Variants in PTPN4 observed in about 807,000 individuals in gnomAD.
The protein encoded by PTPN4 is protein tyrosine phosphatase non-receptor type 4.
Under a neutral mutation model 135.5 loss-of-function variants are expected in PTPN4, and 49 were observed. The observed-to-expected ratio is 0.36, with a 90% CI of 0.29 to 0.46. The LOEUF is 0.46. PTPN4 is among the 20% of genes least tolerant of loss of function. PTPN4 has a pLI of 1.00. For missense variants in PTPN4, 860 were observed against 1,101.0 expected, an observed-to-expected ratio of 0.78 and a Z score of 3.10; for synonymous variants, 333 against 369.9, an observed-to-expected ratio of 0.90 and a Z score of 1.14.
At chr2:119,965,251 G>A (rs1394610945) in intron 24 of PTPN4, among the ~76,000 whole-genome samples, 1 of 152,132 alleles carries the variant, frequency 6.6e-6, no homozygotes, top group African/African-American at 2.4e-5. Context: ...GTTGTTATCT[G>A]TAGAGCAGTT....
At chr2:119,902,902 C>G (rs1678427526) in intron 10 of PTPN4, among the ~76,000 whole-genome samples, 1 of 152,170 alleles carries the variant, frequency 6.6e-6, no homozygotes, top group Admixed American at 6.5e-5. Flanking sequence ...CCTCTACACA[C>G]CCCCTAAGAC....
At chr2:119,822,194 CATGCCTT>C (rs1558736158) in intron 2 of PTPN4, among the ~76,000 whole-genome samples, 1 of 152,136 alleles carries the variant, frequency 6.6e-6, no homozygotes, top group Non-Finnish European at 1.5e-5. Context: ...TTTTTAGCCT[CATGCCTT>C]ATCTTGCTGT....
chr2:119,763,696 T>G (rs1690549708), intron 1 of PTPN4, among the ~76,000 whole-genome samples: 1 of 152,222 alleles, frequency 6.6e-6, no homozygotes, highest in Non-Finnish European at 1.5e-5. Context: ...TAGAAATATT[T>G]TTTGCACTGT....
At chr2:119,892,421 C>G (rs1219152028) in intron 9 of PTPN4, among the ~76,000 whole-genome samples, 1 of 152,032 alleles carries the variant, frequency 6.6e-6, no homozygotes, top group East Asian at 1.9e-4. Context: ...TTAAGCAGGT[C>G]ATACATCAGA....
chr2:119,954,409 G>C (rs1461004653), intron 19 of PTPN4, among the ~76,000 whole-genome samples: 3 of 152,096 alleles, frequency 2.0e-5, no homozygotes, highest in Admixed American at 2.0e-4. Flanking sequence ...AGATAACCCT[G>C]AGCCTCTCCA....
chr2:119,898,675 G>A (rs555237254), intron 9 of PTPN4, among the ~76,000 whole-genome samples: 371 of 152,204 alleles, frequency 2.4e-3, no homozygotes, highest in Non-Finnish European at 2.4e-3. Context: ...GCAAAATAAG[G>A]TATTTTAAAT....
chr2:119,844,594 G>A (rs1207463856), intron 2 of PTPN4, among the ~76,000 whole-genome samples: 1 of 150,690 alleles, frequency 6.6e-6, no homozygotes, highest in Admixed American at 6.6e-5. Context: ...CCGGGCAGAG[G>A]CGCTCCTCAC....
At chr2:119,852,221 C>G (rs961366439) in intron 2 of PTPN4, among the ~76,000 whole-genome samples, 15 of 152,294 alleles carry the variant, frequency 9.8e-5, no homozygotes, top group African/African-American at 3.6e-4. Flanking sequence ...TTCTCCTTTT[C>G]TTGCAGATTG....
chr2:119,788,595 A>G (rs931933791), intron 1 of PTPN4, among the ~76,000 whole-genome samples: 1 of 152,112 alleles, frequency 6.6e-6, no homozygotes, highest in Non-Finnish European at 1.5e-5. Context: ...GTACCCAATA[A>G]ACATCTCTCC....
chr2:119,799,399 TTAATGA>T (rs1384483920), intron 1 of PTPN4, among the ~76,000 whole-genome samples: 2 of 152,336 alleles, frequency 1.3e-5, no homozygotes, highest in African/African-American at 4.8e-5. Context: ...AACACTTCAG[TTAATGA>T]TAACCCTTGT....
chr2:119,901,654 T>C (rs1157289344), intron 10 of PTPN4, among the ~76,000 whole-genome samples: 1 of 152,094 alleles, frequency 6.6e-6, no homozygotes, highest in Non-Finnish European at 1.5e-5. Context: ...GACCCAGATA[T>C]AGAAGAAATT....
At chr2:119,956,046 T>C (rs1165721809) in intron 20 of PTPN4, among the ~76,000 whole-genome samples, 1 of 152,026 alleles carries the variant, frequency 6.6e-6, no homozygotes. Context: ...CATTTAATCT[T>C]TGTTTATTTT....
At chr2:119,893,904 G>GAA (rs972457153) in intron 9 of PTPN4, among the ~76,000 whole-genome samples, 60 of 144,256 alleles carry the variant, frequency 4.2e-4, no homozygotes, top group African/African-American at 1.4e-3. Flanking sequence ...GAGAGAATAT[G>GAA]AAAAAAAAAA....
Position 119,957,088 on chromosome 2 carries a change from T to C in PTPN4, c.2133+11T>C, listed in dbSNP as rs780851265. The C allele has an allele frequency of 1.9e-6, 3 of 1,597,718 alleles. No homozygotes were observed. The Admixed American group carries it at 5.2e-5, about 27-fold the overall frequency. On this transcript the variant is annotated intron_variant, in intron 22 of 26. Coordinates refer to ENST00000263708, the MANE Select transcript of PTPN4 (RefSeq NM_002830.4). ...GCGAACTATATAAATGTAAGTTTAT[T>C]CTTATTATGCCTTTGCCATTTGGAA...
At chr2:119,926,935 T>G (rs1678833270) in intron 13 of PTPN4, among the ~76,000 whole-genome samples, 1 of 152,136 alleles carries the variant, frequency 6.6e-6, no homozygotes. Context: ...TATAATATTC[T>G]GTTCGAGGTT....
intron 1 of PTPN4, among the ~76,000 whole-genome samples, chr2:119,778,829 T>A (rs1489580380): frequency 6.6e-6 from 1 of 152,232 alleles, no homozygotes; most frequent in East Asian, 1.9e-4. Flanking sequence ...TTGAAAATGC[T>A]GTCTGTACAT....
intron 9 of PTPN4, among the ~76,000 whole-genome samples, chr2:119,894,141 A>G (rs1678283501): frequency 6.6e-6 from 1 of 152,240 alleles, no homozygotes; most frequent in African/African-American, 2.4e-5. Context: ...ATGTGACCAT[A>G]TAATCCCTAT....
At position 119,978,944 on chromosome 2, in the gene PTPN4, A is replaced by C. The variant is rs1679655180; in HGVS notation, c.*1874A>C. Reference sequence around the variant, plus strand: ...AATAAATTATCATATTAAAATATTTAAGTTTATTTAAAGAGAGAAGTAAAC... The same window carrying C: ...AATAAATTATCATATTAAAATATTTCAGTTTATTTAAAGAGAGAAGTAAAC... On this transcript the variant is annotated 3_prime_UTR_variant, in exon 27 of 27. Coordinates refer to ENST00000263708, the MANE Select transcript of PTPN4 (RefSeq NM_002830.4). The C allele has an allele frequency of 6.6e-6, 1 of 152,144 alleles. No homozygotes were observed. Among genetic ancestry groups the C allele is most frequent in the Non-Finnish European group, 1.5e-5 (1 of 67,960 alleles). 9.4% of individuals were successfully genotyped at this position (152,144 alleles called of 1,614,324 possible).
In PTPN4 at chr2:119,968,530, G is replaced by A. The variant is rs1050789133; in HGVS notation, c.2694+558G>A. Among the ~76,000 whole-genome samples the A allele has an allele frequency of 2.0e-5, 3 of 151,706 alleles. No homozygotes were observed. The South Asian group carries it at 6.2e-4, about 31-fold the overall frequency. ...CGGCCGGGCGCGGTAGGTAGCTCAC[G>A]CCTGTAATCCCAGCACTTTGGGAGG... On this transcript the variant is annotated intron_variant, in intron 26 of 26. Coordinates refer to ENST00000263708, the MANE Select transcript of PTPN4 (RefSeq NM_002830.4).
Sources: gnomAD v4.1 joint callset for allele counts (sites outside exome capture counted in the v4.1 genomes callset) on GRCh38, gnomAD v4.1.1 for gene constraint, MANE v1.5 for transcripts, NCBI Gene and HGNC (gene_info 2026-07-23, HGNC 2026-07-21) for gene names.